Variants in PCYT1B observed in about 807,000 individuals in gnomAD.
The protein encoded by PCYT1B is choline-phosphate cytidylyltransferase B.
A neutral mutation model predicts 26.4 loss-of-function variants in PCYT1B; 10 were observed. The observed-to-expected ratio is 0.38, with a 90% confidence interval of 0.23 to 0.64. The LOEUF (loss-of-function observed/expected upper bound fraction) is 0.64. PCYT1B is among the 30% of genes least tolerant of loss of function. The pLI is 0.56. For synonymous variants in PCYT1B, 131 were observed against 108.4 expected, an observed-to-expected ratio of 1.21 and a Z score of -1.29; for missense variants, 161 against 292.7, an observed-to-expected ratio of 0.55 and a Z score of 3.28.
At chrX:24,656,160 T>C (rs1423061782) in intron 1 of PCYT1B, among the ~76,000 whole-genome samples, 2 of 41,648 alleles carry the variant, frequency 4.8e-5, no homozygotes, top group Non-Finnish European at 8.6e-5. Context: ...AAAAGCCCAT[T>C]AGGGGAAAAA....
upstream of PCYT1B, among the ~76,000 whole-genome samples, chrX:24,651,842 C>T (rs773598062): frequency 1.0e-4 from 11 of 110,205 alleles, no homozygotes; most frequent in African/African-American, 3.6e-4. Flanking sequence ...TAGAAAAAAA[C>T]AATGAACATT....
At chrX:24,568,206 AC>A (rs1923697699) in intron 7 of PCYT1B, among the ~76,000 whole-genome samples, 1 of 111,641 alleles carries the variant, frequency 9.0e-6, no homozygotes, top group Admixed American at 9.5e-5. Flanking sequence ...ACGGTGCCCG[AC>A]ACAGGTGCCA....
upstream of PCYT1B, chrX:24,650,091 T>G (rs1926731676): frequency 8.9e-6 from 1 of 111,984 alleles, no homozygotes; most frequent in Non-Finnish European, 1.9e-5. Flanking sequence ...CCACCCACTT[T>G]GGAGACCAGT....
chrX:24,566,553 C>T (rs909014087), intron 7 of PCYT1B, among the ~76,000 whole-genome samples: 3 of 111,609 alleles, frequency 2.7e-5, no homozygotes, highest in Non-Finnish European at 5.6e-5. Flanking sequence ...TCAGTCCCTT[C>T]TTTACTTTCT....
chrX:24,566,044 A>T (rs1304630443), intron 7 of PCYT1B, among the ~76,000 whole-genome samples: 1 of 112,131 alleles, frequency 8.9e-6, no homozygotes, highest in Non-Finnish European at 1.9e-5. Context: ...GATACATTTT[A>T]TATATCAGAT....
chrX:24,573,107 T>C (rs6628020), intron 7 of PCYT1B, among the ~76,000 whole-genome samples: 1 of 93,808 alleles, frequency 1.1e-5, no homozygotes, highest in Admixed American at 1.3e-4. Context: ...TACACACACA[T>C]ATATACCCAC....
At chrX:24,644,777 T>C (rs1342072471) in intron 1 of PCYT1B, among the ~76,000 whole-genome samples, 1 of 111,993 alleles carries the variant, frequency 8.9e-6, no homozygotes, top group African/African-American at 3.2e-5. Context: ...GGAAAGTAAC[T>C]TGGCCAGGTG....
At position 24,585,171 on chromosome X, in the gene PCYT1B, G is replaced by A. The variant is rs768152644; in HGVS notation, c.565+2070C>T. ...AGCAGAAATGAGAGAACAGGAGTGC[G>A]GTCTGTCCCTTGCTCTGACTCAGGT... On this transcript the variant is annotated intron_variant, in intron 5 of 7. Coordinates refer to ENST00000379144, the MANE Select transcript of PCYT1B (RefSeq NM_004845.5). 4.5e-5 allele frequency among the ~76,000 whole-genome samples: 5 copies of A among 111,286 alleles called. No homozygotes were observed. In the South Asian group the frequency reaches 1.2e-3, roughly 26 times the overall value.
intron 1 of PCYT1B, among the ~76,000 whole-genome samples, chrX:24,654,295 C>T (rs1366616448): frequency 2.0e-5 from 2 of 102,069 alleles, no homozygotes; most frequent in Admixed American, 1.1e-4. Flanking sequence ...TTAGGAGATA[C>T]GGGGGGTTTC....
chrX:24,617,492 G>A (rs61760949), intron 2 of PCYT1B, among the ~76,000 whole-genome samples: 1,281 of 97,786 alleles, frequency 0.013, 12 homozygotes, highest in Non-Finnish European at 0.019. Context: ...CTGTCACCCA[G>A]GCTGGAGTGC....
chrX:24,595,645 C>T (rs1409017895), intron 3 of PCYT1B, among the ~76,000 whole-genome samples: 2 of 110,703 alleles, frequency 1.8e-5, no homozygotes, highest in African/African-American at 3.3e-5. Flanking sequence ...TTTGGGAGAC[C>T]GAGGTGGGTG....
intron 3 of PCYT1B, 82 bp from the exon 4 acceptor site, chrX:24,590,256 A>G: frequency 1.1e-6 from 1 of 879,609 alleles, no homozygotes; most frequent in Non-Finnish European, 1.6e-6. Flanking sequence ...AGGCTTCTTC[A>G]GCAGGACAAA....
chrX:24,593,716 G>A (rs1287805810), intron 3 of PCYT1B, among the ~76,000 whole-genome samples: 3 of 108,874 alleles, frequency 2.8e-5, no homozygotes, highest in African/African-American at 1.0e-4. Flanking sequence ...TAATAGAGAT[G>A]GGGTTTCGCC....
At chrX:24,670,418 C>A (rs748396236) in intron 1 of PCYT1B, among the ~76,000 whole-genome samples, 3 of 112,326 alleles carry the variant, frequency 2.7e-5, no homozygotes, top group Admixed American at 9.5e-5. Context: ...AGTAACTCCA[C>A]CAGCAGTAAC....
At chrX:24,581,641 C>T (rs1044867115) in intron 5 of PCYT1B, among the ~76,000 whole-genome samples, 1 of 112,579 alleles carries the variant, frequency 8.9e-6, no homozygotes, top group Admixed American at 9.4e-5. Context: ...TGTTCAACAA[C>T]TGTCTTGTTG....
At chrX:24,572,943 CACACACATAT>C (rs2148222894) in intron 7 of PCYT1B, among the ~76,000 whole-genome samples, 1 of 105,557 alleles carries the variant, frequency 9.5e-6, no homozygotes, top group African/African-American at 3.5e-5. Context: ...TATATACACA[CACACACATAT>C]ACACACATAC....
chrX:24,623,624 G>C (rs1925776418), intron 1 of PCYT1B, among the ~76,000 whole-genome samples: 1 of 110,587 alleles, frequency 9.0e-6, no homozygotes, highest in Non-Finnish European at 1.9e-5. Flanking sequence ...TGTCACATAA[G>C]TTCTGGTTAT....
At chrX:24,659,980 CT>C (rs1032958813) in intron 1 of PCYT1B, among the ~76,000 whole-genome samples, 1 of 111,730 alleles carries the variant, frequency 9.0e-6, no homozygotes, top group African/African-American at 3.3e-5. Flanking sequence ...CGCTTATCCA[CT>C]TTGCTTTATT....
At chrX:24,672,470 A>T in intron 1 of PCYT1B, 1 of 566,429 alleles carries the variant, frequency 1.8e-6, no homozygotes, top group South Asian at 3.0e-5. Flanking sequence ...ACTATTAATT[A>T]GCACAGATTC....
Sources: gnomAD v4.1 joint callset for allele counts (sites outside exome capture counted in the v4.1 genomes callset) on GRCh38, gnomAD v4.1.1 for gene constraint, MANE v1.5 for transcripts, NCBI Gene and HGNC (gene_info 2026-07-23, HGNC 2026-07-21) for gene names.